Variants in RPTOR observed in about 807,000 individuals in gnomAD.
RPTOR encodes the protein regulatory associated protein of MTOR complex 1, also known as regulatory-associated protein of mTOR.
In RPTOR, 21 loss-of-function variants were observed where a neutral mutation model predicts 169.9. The observed-to-expected ratio is 0.12, with a 90% CI of 0.09 to 0.18. RPTOR has a LOEUF of 0.18. Among genes scored for constraint, RPTOR ranks in the 10% least tolerant of loss-of-function variants. RPTOR has a pLI of 1.00. For missense variants in RPTOR, 1,133 were observed against 1,855.9 expected (o/e 0.61, Z 7.16); for synonymous variants, 732 against 753.2 (o/e 0.97, Z 0.46).
intron 4 of RPTOR, among the ~76,000 whole-genome samples, chr17:80,729,021 C>G (rs2066365391): frequency 6.6e-6 from 1 of 152,216 alleles, no homozygotes; most frequent in Non-Finnish European, 1.5e-5. Flanking sequence ...TGTCTCCACA[C>G]ACCCCCCACA....
In RPTOR at chr17:80,957,757, C is replaced by G. The variant is rs971635709; in HGVS notation, c.3477+27C>G. On this transcript the variant is annotated intron_variant, in intron 29 of 33. Transcript: ENST00000306801. The surrounding 1 kb of genome is among the most constrained non-coding windows in gnomAD (Gnocchi z 4.6). Reference sequence around the variant, plus strand: ...TAACCATGCAGGTGTCCCCCAAGCCCTGGGCCTGTGGGGCAGTGTGTGCAG... The same window carrying G: ...TAACCATGCAGGTGTCCCCCAAGCCGTGGGCCTGTGGGGCAGTGTGTGCAG... 6.2e-7 allele frequency: 1 copy of G among 1,604,102 alleles called. No individual in the cohort carries two copies. Among genetic ancestry groups the G allele is most frequent in the African/African-American group, 1.3e-5 (1 of 74,702 alleles).
chr17:80,951,152 G>T (rs2069172513), intron 28 of RPTOR, among the ~76,000 whole-genome samples: 1 of 151,920 alleles, frequency 6.6e-6, no homozygotes, highest in African/African-American at 2.4e-5. Flanking sequence ...CTGGCCCCAG[G>T]GTCCCTGAGA....
intron 6 of RPTOR, among the ~76,000 whole-genome samples, chr17:80,757,830 G>A (rs1348903377): frequency 1.3e-5 from 2 of 151,746 alleles, no homozygotes; most frequent in Admixed American, 6.6e-5. Flanking sequence ...CCTCCTATGC[G>A]CCCCTCATTG....
Position 80,780,773 on chromosome 17 carries a change from C to T in RPTOR, c.831-10677C>T, listed in dbSNP as rs1399222253. ...TGCAGCTCCCTTCCCCCCTCACCCT[C>T]CCCCCGGGGGGCCTCACTCACACAG... On this transcript the variant is annotated intron_variant, in intron 6 of 33. Coordinates refer to ENST00000306801, the MANE Select transcript of RPTOR (RefSeq NM_020761.3). Among the ~76,000 whole-genome samples, 8 of 152,156 alleles carry T rather than the reference C, an allele frequency of 5.3e-5. No homozygotes were observed. In the East Asian group the frequency reaches 1.5e-3, roughly 29 times the overall value.
At chr17:80,896,332 C>T (rs1200904440) in intron 20 of RPTOR, among the ~76,000 whole-genome samples, 2 of 152,090 alleles carry the variant, frequency 1.3e-5, no homozygotes, top group Non-Finnish European at 2.9e-5. Flanking sequence ...GCACCCATCC[C>T]ATCCACGGCC....
At position 80,947,832 on chromosome 17, in the gene RPTOR, G is replaced by A. The variant is rs1046344621; in HGVS notation, c.3265+481G>A. On this transcript the variant is annotated intron_variant, in intron 27 of 33. Coordinates refer to ENST00000306801, the MANE Select transcript of RPTOR (RefSeq NM_020761.3). This position sits in a 1 kb window ranked among gnomAD's most constrained non-coding sequence, Gnocchi z 4.4. ...CCCGTCCTGCACCTGAAAGGACATC[G>A]TTGACCATCATGGTCGCTGACCAGT... Among the ~76,000 whole-genome samples, 4 of 152,168 alleles carry A rather than the reference G, an allele frequency of 2.6e-5. No homozygotes were observed. Among genetic ancestry groups the A allele is most frequent in the South Asian group, 2.1e-4 (1 of 4,818 alleles).
chr17:80,868,535 A>C (rs2068017776), intron 13 of RPTOR, among the ~76,000 whole-genome samples: 2 of 152,190 alleles, frequency 1.3e-5, no homozygotes, highest in Non-Finnish European at 2.9e-5. Flanking sequence ...GGGCAGTGCA[A>C]AGTGTGCACT....
At chr17:80,824,320 G>A (rs147817339) in intron 9 of RPTOR, among the ~76,000 whole-genome samples, 43 of 152,258 alleles carry the variant, frequency 2.8e-4, no homozygotes, top group African/African-American at 1.0e-3. Context: ...GGAAATTGAA[G>A]TAAACCATTT....
chr17:80,718,964 G>A (rs1039155085), intron 4 of RPTOR, among the ~76,000 whole-genome samples: 5 of 152,188 alleles, frequency 3.3e-5, no homozygotes, highest in Admixed American at 6.5e-5. Flanking sequence ...CTGGTGGGGC[G>A]ACCCTCAGGA....
At position 80,963,849 on chromosome 17, in the gene RPTOR, G is replaced by A. The variant is rs373093953; in HGVS notation, c.3940-413G>A. On this transcript the variant is annotated intron_variant, in intron 33 of 33. Coordinates refer to ENST00000306801, the MANE Select transcript of RPTOR (RefSeq NM_020761.3). ...CGAGTCCTCACCCTGTCCCCTGTGC[G>A]GCCGGGCCCCACCTGCACGGCTCTC... 9.2e-5 allele frequency among the ~76,000 whole-genome samples: 14 copies of A among 151,960 alleles called. No individual in the cohort carries two copies. In the South Asian group the frequency reaches 1.7e-3, roughly 18 times the overall value.
At position 80,823,428 on chromosome 17, in the gene RPTOR, G is replaced by C. The variant is rs116763382; in HGVS notation, c.1136+205G>C. 9.7e-4 allele frequency: 606 copies of C among 623,754 alleles called. 6 individuals carry two copies. In the African/African-American group the frequency reaches 0.011, roughly 11 times the overall value. The allele number at this position is 623,754 out of a possible 1,614,324, so 38.6% of individuals were successfully genotyped here. A position where few individuals can be genotyped will look rare whatever the true frequency, so the allele number is the denominator to read the frequency against. On this transcript the variant is annotated intron_variant, in intron 9 of 33. Coordinates refer to ENST00000306801, the MANE Select transcript of RPTOR (RefSeq NM_020761.3). The surrounding 1 kb of genome is among the most constrained non-coding windows in gnomAD (Gnocchi z 4.5). ...TCTCCTTCAGAGGGCAGAAGCCTTG[G>C]AGGGCCTTTTAGGACTGCACGGGAG...
At chr17:80,857,346 G>A (rs1398505235) in intron 12 of RPTOR, among the ~76,000 whole-genome samples, 8 of 152,150 alleles carry the variant, frequency 5.3e-5, no homozygotes, top group South Asian at 2.1e-4. Context: ...GTGCCGTCAC[G>A]GAGAGGTGGC....
intron 1 of RPTOR, among the ~76,000 whole-genome samples, chr17:80,559,569 C>T (rs571581401): frequency 9.9e-5 from 15 of 152,218 alleles, no homozygotes; most frequent in Non-Finnish European, 2.1e-4. Context: ...GTGTGGCATG[C>T]GTCTCCCGTT....
chr17:80,745,667 T>C lies in RPTOR; in HGVS notation c.655-8343T>C, dbSNP rs548584795. Among the ~76,000 whole-genome samples the C allele has an allele frequency of 2.0e-5, 3 of 152,328 alleles. No homozygotes were observed. In the South Asian group the frequency reaches 6.2e-4, roughly 32 times the overall value. ...AGCCTTTCTTTGAACTTTGCAAACA[T>C]GGCCATTGTAATTAGGTGTTGTTGA... On this transcript the variant is annotated intron_variant, in intron 5 of 33. Transcript: ENST00000306801.
intron 5 of RPTOR, among the ~76,000 whole-genome samples, chr17:80,734,406 C>T (rs1351608581): frequency 1.3e-5 from 2 of 152,204 alleles, no homozygotes; most frequent in South Asian, 2.1e-4. Context: ...TCTCGATTTT[C>T]TCCTTTGTTC....
At chr17:80,819,571 A>G (rs1156403242) in intron 7 of RPTOR, among the ~76,000 whole-genome samples, 2 of 152,094 alleles carry the variant, frequency 1.3e-5, no homozygotes, top group East Asian at 1.9e-4. Context: ...CCATTTCCCC[A>G]TCTTGCTTCC....
chr17:80,736,836 A>G (rs181565875), intron 5 of RPTOR, among the ~76,000 whole-genome samples: 4 of 152,310 alleles, frequency 2.6e-5, no homozygotes, highest in African/African-American at 7.2e-5. Context: ...TGAGTTTGCA[A>G]ATCTTCTCCA....
intron 22 of RPTOR, among the ~76,000 whole-genome samples, chr17:80,923,217 T>C (rs2068768148): frequency 1.3e-5 from 2 of 152,242 alleles, no homozygotes; most frequent in Non-Finnish European, 2.9e-5. Context: ...CACTCGACTC[T>C]GAGCTGGGTT....
At chr17:80,720,039 C>T (rs1041209652) in intron 4 of RPTOR, among the ~76,000 whole-genome samples, 2 of 152,074 alleles carry the variant, frequency 1.3e-5, no homozygotes, top group African/African-American at 2.4e-5. Flanking sequence ...CGGTGGCTCA[C>T]GCCTGTAATC....
Sources: allele counts gnomAD v4.1 joint callset (sites outside exome capture counted in the v4.1 genomes callset), GRCh38; gene constraint gnomAD v4.1.1; non-coding constraint Gnocchi (gnomAD v3.1); transcripts MANE v1.5; gene names NCBI Gene and HGNC (gene_info 2026-07-23, HGNC 2026-07-21).